The following SORBS3 variants were observed in gnomAD, a reference collection of about 807,000 sequenced individuals.
SORBS3 encodes vinexin.
In SORBS3, 69 loss-of-function variants were observed where a neutral mutation model predicts 98.0. The ratio of observed to expected loss-of-function variants is 0.70; its 90% CI spans 0.58 to 0.86. The LOEUF (loss-of-function observed/expected upper bound fraction) is 0.86. Among genes scored for constraint, SORBS3 ranks in the 40% least tolerant of loss-of-function variants. SORBS3 has a pLI of 0.00. For synonymous variants in SORBS3, 394 were observed against 355.4 expected, an observed-to-expected ratio of 1.11 and a Z score of -1.22; for missense variants, 954 against 908.5, an observed-to-expected ratio of 1.05 and a Z score of -0.64.
chr8:22,562,662 C>T (rs577877889), intron 7 of SORBS3, among the ~76,000 whole-genome samples: 1 of 152,334 alleles, frequency 6.6e-6, no homozygotes, highest in South Asian at 2.1e-4. Flanking sequence ...CTGTGCACTG[C>T]CACTAGCCAT....
rs184452376 is a variant in SORBS3 at position 22,554,266 on chromosome 8, G to A, written c.-55-186G>A. ...GTGGTCCATTGTGCCCCTGGGAGCCGGCAGGCACGGGCAGCCTGCAGGCGG... is the reference window on the plus strand; with the variant it reads ...GTGGTCCATTGTGCCCCTGGGAGCCAGCAGGCACGGGCAGCCTGCAGGCGG... On this transcript the variant is annotated intron_variant, in intron 1 of 20. Coordinates refer to ENST00000240123, the MANE Select transcript of SORBS3 (RefSeq NM_005775.5). This position sits in a 1 kb window ranked among gnomAD's most constrained non-coding sequence, Gnocchi z 6.5. 1,777 of 423,826 alleles carry A rather than the reference G, an allele frequency of 4.2e-3. 3 individuals are homozygous for A. Among genetic ancestry groups the A allele is most frequent in the Non-Finnish European group, 5.9e-3 (1,442 of 244,242 alleles). 26.3% of individuals were successfully genotyped at this position (423,826 alleles called of 1,614,324 possible).
At chr8:22,567,029 G>C (rs1030510452) in intron 15 of SORBS3, 32 bp from the exon 16 acceptor site, 3 of 1,590,122 alleles carry the variant, frequency 1.9e-6, no homozygotes, top group Admixed American at 1.7e-5. Context: ...GAAGGCTTCA[G>C]CTTACCCTGC....
rs758604829 is a variant in SORBS3, at chr8:22,556,866, C to T, written c.372C>T (p.Ile124=). The T allele has an allele frequency of 1.2e-5, 19 of 1,613,244 alleles. No individual in the cohort carries two copies. Among genetic ancestry groups the T allele is most frequent in the African/African-American group, 2.7e-5 (2 of 74,918 alleles). ...RDKRWVKYEG[I]GPVDESGMPI... is the part of the protein sequence containing the mutation. ...AGCGCTGGGTCAAGTACGAGGGAAT[C>T]GGGCCCGTGGACGAGAGCGGCATGC... The change falls in exon 4 of 21, where the codon ATC becomes ATT. Residue 124 remains isoleucine, a synonymous_variant. Coordinates refer to ENST00000240123, the MANE Select transcript of SORBS3 (RefSeq NM_005775.5).
intron 20 of SORBS3, among the ~76,000 whole-genome samples, chr8:22,574,460 G>T (rs1361603196): frequency 2.0e-5 from 3 of 152,176 alleles, no homozygotes; most frequent in African/African-American, 7.2e-5. Flanking sequence ...ATTCTTTGGT[G>T]GTTGAGTGTG....
At chr8:22,551,899 GCCGCGACGGC>G (rs1222245803), upstream of SORBS3, 383 of 985,154 alleles carry the variant, frequency 3.9e-4, no homozygotes, top group Non-Finnish European at 4.4e-4. The surrounding 1 kb of genome is among the most constrained non-coding windows in gnomAD (Gnocchi z 5.8). Context: ...GGTCACGAGG[GCCGCGACGGC>G]CCGCGCTTCT....
At position 22,561,258 on chromosome 8, in the gene SORBS3, G is replaced by A. The variant is rs1428241277; in HGVS notation, c.479-77G>A. ...CCCCTACTCTAGGGATGTTGGGAGC[G>A]GCTGAGGTTGCCTCCCAGGGCACCC... On this transcript the variant is annotated intron_variant, in intron 5 of 20. Coordinates refer to ENST00000240123, the MANE Select transcript of SORBS3 (RefSeq NM_005775.5). 3.5e-6 allele frequency: 5 copies of A among 1,410,094 alleles called. No homozygotes were observed. In the East Asian group the frequency reaches 7.1e-5, roughly 20 times the overall value. The allele number at this position is 1,410,094 out of a possible 1,614,324, so 87.3% of individuals were successfully genotyped here.
upstream of SORBS3, among the ~76,000 whole-genome samples, chr8:22,551,017 G>A (rs1309726942): frequency 6.6e-6 from 1 of 152,222 alleles, no homozygotes; most frequent in Non-Finnish European, 1.5e-5. This position sits in a 1 kb window ranked among gnomAD's most constrained non-coding sequence, Gnocchi z 5.8. Flanking sequence ...GAGCCGGAAG[G>A]GCCGGGGCTC....
At position 22,558,239 on chromosome 8, in the gene SORBS3, C is replaced by T. The variant is rs764217014; in HGVS notation, c.478+47C>T. 2.5e-6 allele frequency: 4 copies of T among 1,569,080 alleles called. No homozygotes were observed. The East Asian group carries it at 6.7e-5, about 26-fold the overall frequency. ...CTCTCCCTGCCAAAGTGGATTCTGG[C>T]CCCTGGGGCTTGGAGAGACAGGGAA... On this transcript the variant is annotated intron_variant, in intron 5 of 20. Coordinates refer to ENST00000240123, the MANE Select transcript of SORBS3 (RefSeq NM_005775.5).
Position 22,562,036 on chromosome 8 carries a change from C to T in SORBS3, c.584+105C>T, listed in dbSNP as rs1840307452. 1.0e-5 allele frequency: 11 copies of T among 1,082,958 alleles called. No individual in the cohort carries two copies. The South Asian group carries it at 1.3e-4, about 13-fold the overall frequency. The allele number at this position is 1,082,958 out of a possible 1,614,324, so 67.1% of individuals were successfully genotyped here. On this transcript the variant is annotated intron_variant, in intron 7 of 20. Transcript: ENST00000240123. Reference sequence around the variant, plus strand: ...CCACAGCCGGCACAGCCTCGGAGCCCAGCCAGGAGTGGGGTCTCACTTCCG... The same window carrying T: ...CCACAGCCGGCACAGCCTCGGAGCCTAGCCAGGAGTGGGGTCTCACTTCCG...
chr8:22,573,838 T>C (rs375441849), intron 20 of SORBS3, among the ~76,000 whole-genome samples: 98 of 152,336 alleles, frequency 6.4e-4, no homozygotes, highest in African/African-American at 2.2e-3. Flanking sequence ...TACATTTCTG[T>C]ATTTCTATAT....
Position 22,554,732 on chromosome 8 carries a change from C to T in SORBS3, c.102+124C>T, listed in dbSNP as rs1563814796. On this transcript the variant is annotated intron_variant, in intron 2 of 20. Coordinates refer to ENST00000240123, the MANE Select transcript of SORBS3 (RefSeq NM_005775.5). This position sits in a 1 kb window ranked among gnomAD's most constrained non-coding sequence, Gnocchi z 6.5. ...AGGGCTGAAGAGAGCTCTGGGGGGC[C>T]TCGCTGGTTTCCCACAAAATCGTCA... The T allele has an allele frequency of 7.3e-7, 1 of 1,370,050 alleles. No homozygotes were observed. The highest frequency in any genetic ancestry group is 9.9e-7 in the Non-Finnish European group (1 of 1,010,002). 84.9% of individuals were successfully genotyped at this position (1,370,050 alleles called of 1,614,324 possible).
At chr8:22,565,228 G>A (rs1402738029) in intron 10 of SORBS3, 40 bp from the exon 11 acceptor site, 11 of 1,518,964 alleles carry the variant, frequency 7.2e-6, no homozygotes, top group South Asian at 1.2e-5. Flanking sequence ...CACCCCCACG[G>A]TGCGCTGCCC....
In SORBS3 at chr8:22,575,087, C is replaced by T. The variant is rs2117319005; in HGVS notation, c.*359C>T. On this transcript the variant is annotated 3_prime_UTR_variant, in exon 21 of 21. Coordinates refer to ENST00000240123, the MANE Select transcript of SORBS3 (RefSeq NM_005775.5). ...TAACAGGGACCAGCTCTCCGCTTTG[C>T]CCCCACGGGGTTCCTCTAACCAGAA... The T allele has an allele frequency of 7.2e-6, 3 of 418,650 alleles. No individual in the cohort carries two copies. The Admixed American group carries it at 9.1e-5, about 13-fold the overall frequency. The allele number at this position is 418,650 out of a possible 1,614,324, so 25.9% of individuals were successfully genotyped here. A position where few individuals can be genotyped will look rare whatever the true frequency, so the allele number is the denominator to read the frequency against.
rs750964341 is a variant in SORBS3, at chr8:22,570,979, C to T, written c.1501C>T (p.Arg501Cys). The T allele has an allele frequency of 1.1e-5, 17 of 1,613,514 alleles. No homozygotes were observed. Among genetic ancestry groups the T allele is most frequent in the African/African-American group, 4.0e-5 (3 of 74,888 alleles). ...CGAGGGACGCATCACGGGCACGGGG[C>T]GCCAAGGCATATTCCCTGCCAGCTA... ...WYEGRITGTG[R>C]QGIFPASYVQ... is the part of the protein sequence containing the mutation. Residue 501 changes from arginine to cysteine, a missense_variant, in exon 18 of 21, where the codon CGC becomes TGC. Arg to Cys is a radical substitution (Grantham distance 180). Transcript: ENST00000240123.
At chr8:22,559,703 T>TAA (rs796881637) in intron 5 of SORBS3, among the ~76,000 whole-genome samples, 4 of 131,304 alleles carry the variant, frequency 3.0e-5, no homozygotes, top group Non-Finnish European at 4.9e-5. Context: ...ACGCTGTCTC[T>TAA]AAAAAAAAAA....
chr8:22,567,150 G>T lies in SORBS3; in HGVS notation c.1280G>T (p.Gly427Val). Residue 427 changes from glycine (G) to valine (V), a missense_variant, in exon 16 of 21, where the codon GGC becomes GTC. By Grantham distance (109) the Gly-to-Val change is moderately radical (BLOSUM62 -3). Transcript: ENST00000240123. ...WLEGEHHGRL[G>V]IFPANYVEVL... The stretch of plus-strand genomic sequence containing the variant: ...GAGGGAGAGCACCACGGCCGCCTGG[G>T]CATCTTCCCTGCTAATTATGTGGAG... The T allele has an allele frequency of 6.2e-7, 1 of 1,613,058 alleles. No homozygotes were observed. Among genetic ancestry groups the T allele is most frequent in the East Asian group, 2.2e-5 (1 of 44,888 alleles).
intron 20 of SORBS3, among the ~76,000 whole-genome samples, chr8:22,573,676 G>T (rs1840648843): frequency 6.6e-6 from 1 of 152,060 alleles, no homozygotes; most frequent in African/African-American, 2.4e-5. Context: ...GACGAGGGTG[G>T]GGGTGGGACG....
intron 4 of SORBS3, 111 bp from the exon 5 acceptor site, chr8:22,558,017 TG>T: frequency 1.1e-6 from 1 of 947,650 alleles, no homozygotes; most frequent in Non-Finnish European, 1.7e-6. Flanking sequence ...AGCCCACCTA[TG>T]GGGGGTTCAG....
intron 12 of SORBS3, 106 bp from the exon 13 acceptor site, chr8:22,566,239 A>C: frequency 7.1e-7 from 1 of 1,401,064 alleles, no homozygotes; most frequent in Non-Finnish European, 9.6e-7. Flanking sequence ...ACGCCCTGGG[A>C]GGAGGTGGCA....
Sources: gnomAD v4.1 joint callset for allele counts (sites outside exome capture counted in the v4.1 genomes callset) on GRCh38, gnomAD v4.1.1 for gene constraint, Gnocchi (gnomAD v3.1) non-coding constraint, MANE v1.5 for transcripts, NCBI Gene and HGNC (gene_info 2026-07-23, HGNC 2026-07-21) for gene names.